Variants in COBLL1 observed in about 807,000 individuals in gnomAD.
The protein encoded by COBLL1 is cordon-bleu WH2 repeat protein like 1, also known as cordon-bleu protein-like 1.
Under a neutral mutation model 94.8 loss-of-function variants are expected in COBLL1, and 50 were observed. That is an observed-to-expected ratio of 0.53 (90% CI 0.42 to 0.67). The LOEUF is 0.67. Ranked by LOEUF, COBLL1 falls within the 30% of genes least tolerant of loss-of-function variation. The pLI is 0.00. For missense variants in COBLL1, 1,362 were observed against 1,348.7 expected (o/e 1.01, Z -0.15); for synonymous variants, 448 against 473.8 (o/e 0.95, Z 0.71).
chr2:164,793,331 CAA>C (rs1683286198), intron 2 of COBLL1, among the ~76,000 whole-genome samples: 3 of 146,922 alleles, frequency 2.0e-5, no homozygotes, highest in Admixed American at 2.0e-4. Context: ...AAAAAAAAAA[CAA>C]AAGTTTTTTA....
chr2:164,709,667 A>T (rs556334383), intron 7 of COBLL1, among the ~76,000 whole-genome samples: 1 of 152,290 alleles, frequency 6.6e-6, no homozygotes, highest in South Asian at 2.1e-4. Context: ...CAGTAAGCCA[A>T]GATTGCGCCA....
chr2:164,675,040 CT>C (rs1349631845), intron 1 of COBLL1, among the ~76,000 whole-genome samples: 2 of 152,142 alleles, frequency 1.3e-5, no homozygotes, highest in African/African-American at 4.8e-5. Flanking sequence ...AGAAAACAAT[CT>C]TAATTTCATT....
Position 164,766,678 on chromosome 2 carries a change from C to T in COBLL1, c.42-22803G>A, listed in dbSNP as rs558042539. Among the ~76,000 whole-genome samples the T allele has an allele frequency of 7.2e-5, 11 of 152,198 alleles. No individual in the cohort carries two copies. The East Asian group carries it at 1.2e-3, about 16-fold the overall frequency. ...GTATTTCTTTATAGCAGTGCGAGAACGAACTAATACAGTATGTCATTCTTA... is the reference window on the plus strand; with the variant it reads ...GTATTTCTTTATAGCAGTGCGAGAATGAACTAATACAGTATGTCATTCTTA... On this transcript the variant is annotated intron_variant, in intron 2 of 13. Transcript: ENST00000652658.
Position 164,705,109 on chromosome 2 carries a change from G to A in COBLL1, c.997-4C>T, listed in dbSNP as rs1428362863. On this transcript the variant is annotated splice_polypyrimidine_tract_variant and splice_region_variant and intron_variant, in intron 7 of 13. Coordinates refer to ENST00000652658, the MANE Select transcript of COBLL1 (RefSeq NM_001365672.2). ...CTCTTCCTGCTTCACAGGGACTCTG[G>A]AAAACAAAATGACCAAATAAAATCC... The A allele has an allele frequency of 6.7e-7, 1 of 1,502,012 alleles. No homozygotes were observed. The highest frequency in any genetic ancestry group is 1.4e-5 in the South Asian group (1 of 73,084). 93.0% of individuals were successfully genotyped at this position (1,502,012 alleles called of 1,614,324 possible). A position where few individuals can be genotyped will look rare whatever the true frequency, so the allele number is the denominator to read the frequency against.
Position 164,667,475 on chromosome 2 carries a change from T to C in COBLL1, n.127-1574A>G, listed in dbSNP as rs187318258. 4.6e-3 allele frequency among the ~76,000 whole-genome samples: 695 copies of C among 152,368 alleles called. 5 individuals are homozygous for C. The highest frequency in any genetic ancestry group is 0.016 in the African/African-American group (655 of 41,594). On this transcript the variant is annotated intron_variant and non_coding_transcript_variant, in intron 1 of 2. Coordinates refer to the COBLL1 transcript ENST00000495084. ...GCTATAAAAGTCCTAGATGACATTT[T>C]CTTCCAAGAGAAGGCTGTTTTGTCT...
At chr2:164,776,353 C>A (rs1458474414) in intron 2 of COBLL1, among the ~76,000 whole-genome samples, 1 of 152,108 alleles carries the variant, frequency 6.6e-6, no homozygotes, top group Non-Finnish European at 1.5e-5. Flanking sequence ...CCACTTTGTT[C>A]CAGCAACACT....
intron 7 of COBLL1, among the ~76,000 whole-genome samples, chr2:164,717,738 T>C (rs1354414581): frequency 6.6e-6 from 1 of 152,098 alleles, no homozygotes; most frequent in Non-Finnish European, 1.5e-5. Flanking sequence ...TATTTTATTA[T>C]TTTTTGTAGA....
At chr2:164,749,300 T>C (rs763004068) in intron 2 of COBLL1, among the ~76,000 whole-genome samples, 2 of 152,134 alleles carry the variant, frequency 1.3e-5, no homozygotes, top group African/African-American at 2.4e-5. Context: ...ATACAAAAAA[T>C]ATGGCTTCAA....
chr2:164,810,706 T>A (rs1474362051), intron 2 of COBLL1, among the ~76,000 whole-genome samples: 1 of 151,652 alleles, frequency 6.6e-6, no homozygotes, highest in Non-Finnish European at 1.5e-5. Flanking sequence ...AATTCAGATA[T>A]CAGAGATATG....
intron 9 of COBLL1, chr2:164,703,337 T>C: frequency 1.5e-6 from 1 of 670,944 alleles, no homozygotes; most frequent in Non-Finnish European, 2.6e-6. Flanking sequence ...ATCCATGCAT[T>C]AAATAAGAAG....
rs568389322 is a variant in COBLL1 at position 164,783,452 on chromosome 2, A to G, written c.42-39577T>C. On this transcript the variant is annotated intron_variant, in intron 2 of 13. Coordinates refer to ENST00000652658, the MANE Select transcript of COBLL1 (RefSeq NM_001365672.2). ...AAGAAAGGAAGAGAAAAGAAAAGAG[A>G]GGAGAGAGGAGAGAAGAGAGCCTCT... 6.7e-5 allele frequency among the ~76,000 whole-genome samples: 9 copies of G among 134,302 alleles called. No individual in the cohort carries two copies. In the South Asian group the frequency reaches 1.9e-3, roughly 29 times the overall value. 88.1% of individuals were successfully genotyped at this position (134,302 alleles called of 152,430 possible).
Position 164,685,952 on chromosome 2 carries a change from G to T in COBLL1, c.3381C>A (p.Gly1127=). Residue 1127 remains glycine (G), a synonymous_variant, in exon 14 of 14, where the codon GGC becomes GGA. Transcript: ENST00000652658. The stretch of plus-strand genomic sequence containing the variant: ...TGGTGTGGCAGGGTAACATTTAATG[G>T]CCGTCCTGGGCATCAGGGGACATGG... ...SHSMSPDAQD[G]H The T allele has an allele frequency of 1.9e-6, 3 of 1,599,680 alleles. No homozygotes were observed. The highest frequency in any genetic ancestry group is 2.6e-6 in the Non-Finnish European group (3 of 1,168,312).
chr2:164,727,384 C>T (rs564839142), intron 5 of COBLL1, among the ~76,000 whole-genome samples: 34 of 152,010 alleles, frequency 2.2e-4, no homozygotes, highest in Non-Finnish European at 4.3e-4. Flanking sequence ...TACTAGACAT[C>T]ATACAAACCA....
chr2:164,709,009 C>G (rs991684808), intron 7 of COBLL1, among the ~76,000 whole-genome samples: 1 of 151,946 alleles, frequency 6.6e-6, no homozygotes, highest in Non-Finnish European at 1.5e-5. Context: ...ATAAAGCAGA[C>G]AGTATAGAAA....
chr2:164,833,852 A>G (rs1683200698), intron 2 of COBLL1, among the ~76,000 whole-genome samples: 1 of 152,240 alleles, frequency 6.6e-6, no homozygotes, highest in South Asian at 2.1e-4. Flanking sequence ...ATTTATAAAC[A>G]GTATAGTGAA....
At chr2:164,801,274 C>T (rs1046359276) in intron 2 of COBLL1, among the ~76,000 whole-genome samples, 3 of 150,952 alleles carry the variant, frequency 2.0e-5, no homozygotes, top group Non-Finnish European at 3.0e-5. Flanking sequence ...CCCGTCTCTA[C>T]TAAAAATACA....
chr2:164,728,928 T>C (rs986921912), intron 4 of COBLL1, among the ~76,000 whole-genome samples: 1 of 152,016 alleles, frequency 6.6e-6, no homozygotes, highest in Non-Finnish European at 1.5e-5. Context: ...CATGAGACCA[T>C]ACTAAGTGAA....
intron 3 of COBLL1, among the ~76,000 whole-genome samples, chr2:164,731,741 A>C (rs1005381733): frequency 6.6e-6 from 1 of 152,216 alleles, no homozygotes; most frequent in Non-Finnish European, 1.5e-5. Context: ...CAATTTCTTG[A>C]CTAGAGATAT....
At chr2:164,809,454 T>A (rs1220773042) in intron 2 of COBLL1, among the ~76,000 whole-genome samples, 1 of 151,918 alleles carries the variant, frequency 6.6e-6, no homozygotes, top group Non-Finnish European at 1.5e-5. Flanking sequence ...ACACAAAAAA[T>A]ATTTGGGGGT....
Sources: allele counts gnomAD v4.1 joint callset (sites outside exome capture counted in the v4.1 genomes callset), GRCh38; gene constraint gnomAD v4.1.1; transcripts MANE v1.5; gene names NCBI Gene and HGNC (gene_info 2026-07-23, HGNC 2026-07-21).